AUTS2: variants seen among roughly 807,000 people sequenced by gnomAD.
AUTS2 encodes the protein autism susceptibility gene 2 protein.
AUTS2 carries 17 observed loss-of-function variants against 112.4 expected under a neutral mutation model. The ratio of observed to expected loss-of-function variants is 0.15; its 90% CI spans 0.10 to 0.23. AUTS2 has a LOEUF of 0.23. AUTS2 is among the 10% of genes least tolerant of loss of function. AUTS2 has a pLI of 1.00. For missense variants in AUTS2, 1,510 were observed against 1,701.6 expected (o/e 0.89, Z 1.98); for synonymous variants, 751 against 702.7 (o/e 1.07, Z -1.09).
intron 2 of AUTS2, among the ~76,000 whole-genome samples, chr7:69,984,790 A>C (rs531469251): frequency 6.6e-6 from 1 of 152,062 alleles, no homozygotes; most frequent in African/African-American, 2.4e-5. Context: ...CCAGGTCCCC[A>C]TGTGCTTTAG....
At chr7:69,867,871 A>G (rs1793306025) in intron 1 of AUTS2, among the ~76,000 whole-genome samples, 2 of 152,196 alleles carry the variant, frequency 1.3e-5, no homozygotes, top group South Asian at 4.1e-4. Context: ...TACAGGACAC[A>G]TAGATAAATT....
chr7:69,775,434 A>G (rs1788850529), intron 1 of AUTS2, among the ~76,000 whole-genome samples: 1 of 152,064 alleles, frequency 6.6e-6, no homozygotes, highest in Non-Finnish European at 1.5e-5. Flanking sequence ...ATTTCCATCT[A>G]GGCTGCATTT....
At chr7:70,388,551 A>C (rs965759862) in intron 4 of AUTS2, among the ~76,000 whole-genome samples, 1 of 152,242 alleles carries the variant, frequency 6.6e-6, no homozygotes, top group African/African-American at 2.4e-5. Context: ...GGCTGAGGTG[A>C]AAGAAGCTTG....
At chr7:69,775,346 C>T (rs899363821) in intron 1 of AUTS2, among the ~76,000 whole-genome samples, 4 of 152,158 alleles carry the variant, frequency 2.6e-5, no homozygotes, top group African/African-American at 7.2e-5. Flanking sequence ...TCCATAGAGG[C>T]TGAGAATGAT....
chr7:70,433,343 G>C (rs115581645), intron 4 of AUTS2, among the ~76,000 whole-genome samples: 1 of 152,160 alleles, frequency 6.6e-6, no homozygotes, highest in Admixed American at 6.5e-5. Context: ...CACAAGGAGC[G>C]CTGTGAACAT....
intron 2 of AUTS2, among the ~76,000 whole-genome samples, chr7:69,984,963 A>G (rs1047430694): frequency 4.6e-5 from 7 of 152,196 alleles, no homozygotes; most frequent in African/African-American, 1.7e-4. Context: ...GAAGTTTTGG[A>G]AAGTTTTTTG....
intron 4 of AUTS2, among the ~76,000 whole-genome samples, chr7:70,286,304 G>T (rs1183499206): frequency 1.3e-5 from 2 of 152,216 alleles, no homozygotes; most frequent in African/African-American, 4.8e-5. Flanking sequence ...GTTTACCTGT[G>T]GAAGAGTATC....
intron 5 of AUTS2, among the ~76,000 whole-genome samples, chr7:70,604,612 G>A (rs1256231523): frequency 3.3e-5 from 5 of 152,230 alleles, no homozygotes; most frequent in African/African-American, 1.2e-4. Context: ...TAGAATTAGA[G>A]AACGTCAGAG....
chr7:70,764,876 A>AC lies in AUTS2; in HGVS notation c.1342dup (p.Leu448ProfsTer62). On this transcript the variant is annotated frameshift_variant, in exon 8 of 19. Transcript: ENST00000342771. LOFTEE classifies it high-confidence loss of function. ...CAGCCCCCTGCACAGCTTCACACCCACCCTCCAGCCCCCCGCACACTCACA... is the reference window on the plus strand; with the variant it reads ...CAGCCCCCTGCACAGCTTCACACCCACCCCTCCAGCCCCCCGCACACTCACA... 3 of 774,080 alleles carry AC rather than the reference A, an allele frequency of 3.9e-6. No individual in the cohort carries two copies. Among genetic ancestry groups the AC allele is most frequent in the Admixed American group, 4.1e-5 (1 of 24,520 alleles). The allele number at this position is 774,080 out of a possible 1,614,324, so 48.0% of individuals were successfully genotyped here. A position where few individuals can be genotyped will look rare whatever the true frequency, so the allele number is the denominator to read the frequency against.
chr7:70,140,824 T>C (rs1357062612), intron 4 of AUTS2, among the ~76,000 whole-genome samples: 2 of 152,202 alleles, frequency 1.3e-5, no homozygotes, highest in Non-Finnish European at 2.9e-5. Context: ...TATTAGGGCA[T>C]TTGGACTAAT....
chr7:70,141,015 T>C (rs969349355), intron 4 of AUTS2, among the ~76,000 whole-genome samples: 2 of 152,136 alleles, frequency 1.3e-5, no homozygotes, highest in African/African-American at 4.8e-5. Flanking sequence ...CTATGAGAAG[T>C]GTAAGTAGAG....
chr7:70,771,772 G>A (rs919029320), intron 11 of AUTS2, 128 bp downstream of exon 11: 1 of 633,578 alleles, frequency 1.6e-6, no homozygotes, highest in Non-Finnish European at 2.5e-6. Context: ...TGACCACTGG[G>A]ATTAGAGTGA....
chr7:69,794,315 G>T (rs1455282898), intron 1 of AUTS2, among the ~76,000 whole-genome samples: 2 of 152,152 alleles, frequency 1.3e-5, no homozygotes, highest in African/African-American at 4.8e-5. Context: ...AGGTAATTTA[G>T]GGTCAGAATG....
chr7:69,686,476 G>C (rs1268263924), intron 1 of AUTS2, among the ~76,000 whole-genome samples: 3 of 152,148 alleles, frequency 2.0e-5, no homozygotes, highest in Non-Finnish European at 2.9e-5. Context: ...TTAACACACT[G>C]GGTTTAGGGA....
At chr7:69,698,670 T>C (rs552019017) in intron 1 of AUTS2, among the ~76,000 whole-genome samples, 1 of 152,266 alleles carries the variant, frequency 6.6e-6, no homozygotes, top group South Asian at 2.1e-4. Context: ...AGTGATCCCA[T>C]TGGAGATAAT....
At chr7:70,452,807 G>T (rs773218000) in intron 5 of AUTS2, among the ~76,000 whole-genome samples, 1 of 152,124 alleles carries the variant, frequency 6.6e-6, no homozygotes, top group Non-Finnish European at 1.5e-5. Flanking sequence ...AAGCACAGGC[G>T]GTGGGCCCCC....
chr7:70,759,769 G>T (rs1386922615), intron 6 of AUTS2, among the ~76,000 whole-genome samples: 1 of 152,154 alleles, frequency 6.6e-6, no homozygotes, highest in Non-Finnish European at 1.5e-5. Flanking sequence ...AATTCTTGAG[G>T]CTCGTTCAAG....
intron 1 of AUTS2, among the ~76,000 whole-genome samples, chr7:69,600,538 C>T (rs981544293): frequency 4.0e-4 from 34 of 85,550 alleles, no homozygotes; most frequent in Admixed American, 5.7e-4. Flanking sequence ...CCCCCATATT[C>T]TTTTTTTTTT....
chr7:69,755,081 G>T (rs557046477), intron 1 of AUTS2, among the ~76,000 whole-genome samples: 1 of 152,334 alleles, frequency 6.6e-6, no homozygotes, highest in African/African-American at 2.4e-5. Flanking sequence ...GATATAAGGA[G>T]GTTAAGTGAC....
Sources: gnomAD v4.1 joint callset for allele counts (sites outside exome capture counted in the v4.1 genomes callset) on GRCh38, gnomAD v4.1.1 for gene constraint, MANE v1.5 for transcripts, NCBI Gene and HGNC (gene_info 2026-07-23, HGNC 2026-07-21) for gene names.